Variants in FZD6 observed in about 807,000 individuals in gnomAD.
FZD6 encodes frizzled class receptor 6.
A neutral mutation model predicts 61.4 loss-of-function variants in FZD6; 49 were observed. The observed-to-expected ratio is 0.80, with a 90% confidence interval of 0.63 to 1.01. The LOEUF is 1.01. Among genes scored for constraint, FZD6 ranks in the 50% least tolerant of loss-of-function variants. FZD6 has a pLI of 0.00. For missense variants in FZD6, 724 were observed against 848.2 expected, an observed-to-expected ratio of 0.85 and a Z score of 1.82; for synonymous variants, 265 against 292.2, an observed-to-expected ratio of 0.91 and a Z score of 0.95.
chr8:103,301,185 G>T (rs1471058917), intron 2 of FZD6, among the ~76,000 whole-genome samples: 1 of 152,070 alleles, frequency 6.6e-6, no homozygotes, highest in Non-Finnish European at 1.5e-5. Context: ...GTTTTCTATT[G>T]TTGTTCAGTT....
In FZD6 at chr8:103,324,637, A is replaced by T; in HGVS notation, c.531A>T (p.Gly177=). 1.2e-6 allele frequency: 2 copies of T among 1,614,186 alleles called. No individual in the cohort carries two copies. Among genetic ancestry groups the T allele is most frequent in the Non-Finnish European group, 1.7e-6 (2 of 1,180,016 alleles). ...GGGGACAAGGATATAAGTTTCTGGG[A>T]ATTGACCAGTGTGCGCCTCCATGCC... ...TSGGQGYKFL[G]IDQCAPPCPN... Residue 177 remains glycine (G), a synonymous_variant, in exon 4 of 7, where the codon GGA becomes GGT. Coordinates refer to ENST00000358755, the MANE Select transcript of FZD6 (RefSeq NM_003506.4).
At chr8:103,327,975 T>C (rs1815001906) in intron 4 of FZD6, among the ~76,000 whole-genome samples, 1 of 152,152 alleles carries the variant, frequency 6.6e-6, no homozygotes, top group South Asian at 2.1e-4. Flanking sequence ...TATAAGAGGC[T>C]ACTGTATCTA....
At chr8:103,331,232 A>G (rs1815118394) in intron 6 of FZD6, 109 bp from the exon 7 acceptor site, 2 of 821,508 alleles carry the variant, frequency 2.4e-6, no homozygotes, top group South Asian at 2.7e-5. Flanking sequence ...ACTGTTAGCT[A>G]TTTATTCTCT....
intron 4 of FZD6, among the ~76,000 whole-genome samples, chr8:103,326,109 G>T (rs1814945326): frequency 2.0e-5 from 3 of 152,112 alleles, no homozygotes; most frequent in Admixed American, 2.0e-4. Context: ...TTTAGTTGAA[G>T]TTTTGTAAAT....
At chr8:103,321,732 C>T (rs1486024697) in intron 3 of FZD6, among the ~76,000 whole-genome samples, 1 of 152,200 alleles carries the variant, frequency 6.6e-6, no homozygotes, top group Non-Finnish European at 1.5e-5. Flanking sequence ...TTCTTTTCTA[C>T]GTGAAGAGTT....
chr8:103,328,294 G>A lies in FZD6; in HGVS notation c.1419G>A (p.Leu473=). 6.2e-7 allele frequency: 1 copy of A among 1,611,674 alleles called. No individual in the cohort carries two copies. Among genetic ancestry groups the A allele is most frequent in the East Asian group, 2.2e-5 (1 of 44,802 alleles). ...CAAAAGCAAAAGCTCGACCAGAATTGGCTTTATTTATGATAAAATACCTGA... is the reference window on the plus strand; with the variant it reads ...CAAAAGCAAAAGCTCGACCAGAATTAGCTTTATTTATGATAAAATACCTGA... ...YQAKAKARPE[L]ALFMIKYLMT... The change falls in exon 5 of 7, where the codon TTG becomes TTA. Residue 473 remains leucine, a synonymous_variant. Coordinates refer to ENST00000358755, the MANE Select transcript of FZD6 (RefSeq NM_003506.4).
intron 4 of FZD6, among the ~76,000 whole-genome samples, chr8:103,326,689 C>T (rs553738590): frequency 3.9e-4 from 46 of 118,654 alleles, no homozygotes; most frequent in African/African-American, 1.1e-3. Context: ...AAAGATTCTG[C>T]GTGACAAAAA....
At chr8:103,320,104 T>G (rs1212090997) in intron 3 of FZD6, among the ~76,000 whole-genome samples, 2 of 16,264 alleles carry the variant, frequency 1.2e-4, no homozygotes, top group Non-Finnish European at 1.9e-4. Flanking sequence ...GCTGTGGATA[T>G]AGTAGGTTTG....
At chr8:103,299,727 G>A (rs28392906) in intron 1 of FZD6, among the ~76,000 whole-genome samples, 65,631 of 151,904 alleles carry the variant, frequency 0.43, 14,703 homozygotes, top group East Asian at 0.61. Flanking sequence ...TTTTAACCCT[G>A]TCTTCCATAC....
rs201764584 is a variant in FZD6, at chr8:103,328,629, GTA to G, written c.1541+217_1541+218del. 6.6e-3 allele frequency among the ~76,000 whole-genome samples: 1,000 copies of G among 151,478 alleles called. 3 individuals carry two copies. The highest frequency in any genetic ancestry group is 9.6e-3 in the Non-Finnish European group (650 of 67,868). On this transcript the variant is annotated intron_variant, in intron 5 of 6. Coordinates refer to ENST00000358755, the MANE Select transcript of FZD6 (RefSeq NM_003506.4). The stretch of plus-strand genomic sequence containing the variant: ...TTTGACATATACTATTTATCATATA[GTA>G]TATGTCTGTGACATATACTATTCTA...
Position 103,318,621 on chromosome 8 carries a change from C to T in FZD6, c.209C>T (p.Ser70Leu). Residue 70 changes from serine to leucine, a missense_variant, in exon 3 of 7, where the codon TCA (serine) becomes TTA (leucine). Coordinates refer to ENST00000358755, the MANE Select transcript of FZD6 (RefSeq NM_003506.4). ...CTTCCTCTCGCAAATCTGGAATGTT[C>T]ACCAAACATTGAAACTTTCCTCTGC... is the stretch of plus-strand genomic sequence containing the variant. ...HFLPLANLEC[S>L]PNIETFLCKA... The T allele has an allele frequency of 6.2e-7, 1 of 1,609,394 alleles. No homozygotes were observed. The highest frequency in any genetic ancestry group is 8.5e-7 in the Non-Finnish European group (1 of 1,175,766).
intron 2 of FZD6, among the ~76,000 whole-genome samples, chr8:103,305,983 A>G (rs367990188): frequency 2.0e-5 from 3 of 152,354 alleles, no homozygotes; most frequent in African/African-American, 7.2e-5. Flanking sequence ...TCATGTGTTC[A>G]TTCATATTTA....
chr8:103,328,636 T>C (rs1443157909), intron 5 of FZD6, among the ~76,000 whole-genome samples: 1 of 152,054 alleles, frequency 6.6e-6, no homozygotes, highest in Non-Finnish European at 1.5e-5. Flanking sequence ...ATAGTATATG[T>C]CTGTGACATA....
At chr8:103,306,353 A>T (rs979396378) in intron 2 of FZD6, among the ~76,000 whole-genome samples, 1 of 152,210 alleles carries the variant, frequency 6.6e-6, no homozygotes, top group East Asian at 1.9e-4. Context: ...TTTCCTATAC[A>T]GTAGTCCATT....
At chr8:103,300,693 A>G (rs973383840) in intron 2 of FZD6, among the ~76,000 whole-genome samples, 2 of 152,210 alleles carry the variant, frequency 1.3e-5, no homozygotes, top group Non-Finnish European at 2.9e-5. Context: ...AGTAGTTGTA[A>G]TATTCACTTG....
At chr8:103,310,863 C>A (rs1420992868) in intron 2 of FZD6, among the ~76,000 whole-genome samples, 7 of 152,182 alleles carry the variant, frequency 4.6e-5, no homozygotes, top group Non-Finnish European at 1.0e-4. Context: ...TCTTTAAATA[C>A]TAACAGGATG....
chr8:103,324,598 T>C lies in FZD6; in HGVS notation c.492T>C (p.His164=). 6.2e-7 allele frequency: 1 copy of C among 1,614,134 alleles called. No individual in the cohort carries two copies. The highest frequency in any genetic ancestry group is 8.5e-7 in the Non-Finnish European group (1 of 1,179,958). The part of the protein sequence containing the change: ...QRDIGFWCPR[H]LKTSGGQGYK... ...ACATTGGATTTTGGTGTCCAAGGCA[T>C]CTTAAGACTTCTGGGGGACAAGGAT... The change falls in exon 4 of 7, where the codon CAT becomes CAC. Residue 164 remains histidine (H), a synonymous_variant. Coordinates refer to ENST00000358755, the MANE Select transcript of FZD6 (RefSeq NM_003506.4).
In FZD6 at chr8:103,324,664, C is replaced by G; in HGVS notation, c.558C>G (p.Pro186=). The G allele has an allele frequency of 6.2e-7, 1 of 1,614,024 alleles. No homozygotes were observed. The highest frequency in any genetic ancestry group is 1.7e-5 in the Admixed American group (1 of 60,012). The part of the protein sequence containing the change: ...LGIDQCAPPC[P]NMYFKSDELE... Reference sequence around the variant, plus strand: ...TTGACCAGTGTGCGCCTCCATGCCCCAACATGTATTTTAAAAGTGATGAGC... The same window carrying G: ...TTGACCAGTGTGCGCCTCCATGCCCGAACATGTATTTTAAAAGTGATGAGC... Residue 186 remains proline, a synonymous_variant, in exon 4 of 7, where the codon CCC becomes CCG. Coordinates refer to ENST00000358755, the MANE Select transcript of FZD6 (RefSeq NM_003506.4).
In FZD6 at chr8:103,301,640, A is replaced by G. The variant is rs545374588; in HGVS notation, c.177+1356A>G. On this transcript the variant is annotated intron_variant, in intron 2 of 6. Transcript: ENST00000358755. ...AGGCTGGTCTCAAACTCCTAGGCTC[A>G]AGTGATCCGTCCTGCCTCAGCATCC... 1.4e-4 allele frequency among the ~76,000 whole-genome samples: 21 copies of G among 152,212 alleles called. No individual in the cohort carries two copies. The East Asian group carries it at 3.5e-3, about 25-fold the overall frequency.
Sources: gnomAD v4.1 joint callset for allele counts (sites outside exome capture counted in the v4.1 genomes callset) on GRCh38, gnomAD v4.1.1 for gene constraint, MANE v1.5 for transcripts, NCBI Gene and HGNC (gene_info 2026-07-23, HGNC 2026-07-21) for gene names.